PCDHGB7: variants seen among roughly 807,000 people sequenced by gnomAD.
The protein encoded by PCDHGB7 is protocadherin gamma subfamily B, 7.
In PCDHGB7, 37 loss-of-function variants were observed where a neutral mutation model predicts 61.4. The ratio of observed to expected loss-of-function variants is 0.60; its 90% CI spans 0.46 to 0.79. The LOEUF (loss-of-function observed/expected upper bound fraction) is 0.79. PCDHGB7 is among the 30% of genes least tolerant of loss of function. PCDHGB7 has a pLI of 0.00. For missense variants in PCDHGB7, 1,166 were observed against 1,202.5 expected, an observed-to-expected ratio of 0.97 and a Z score of 0.45; for synonymous variants, 464 against 503.5, an observed-to-expected ratio of 0.92 and a Z score of 1.05.
In PCDHGB7 at chr5:141,487,822, G is replaced by T. The variant is rs1406642768; in HGVS notation, c.2416-6985G>T. ...TGTCACAGTTTAGCATTGGGGGCGG[G>T]TCATGCCTATATCTGAGTAAGAAAT... On this transcript the variant is annotated intron_variant, in intron 1 of 3. Coordinates refer to ENST00000398594, the MANE Select transcript of PCDHGB7 (RefSeq NM_018927.4). This position sits in a 1 kb window ranked among gnomAD's most constrained non-coding sequence, Gnocchi z 5.0. The T allele has an allele frequency of 3.1e-6, 4 of 1,278,640 alleles. No homozygotes were observed. The East Asian group carries it at 7.6e-5, about 24-fold the overall frequency. 79.2% of individuals were successfully genotyped at this position (1,278,640 alleles called of 1,614,324 possible). A position where few individuals can be genotyped will look rare whatever the true frequency, so the allele number is the denominator to read the frequency against.
At chr5:141,428,437 C>A in intron 1 of PCDHGB7, 1 of 400,386 alleles carries the variant, frequency 2.5e-6, no homozygotes, top group South Asian at 2.4e-5. Flanking sequence ...TAAGACTAGA[C>A]CAGGGGTTTT....
chr5:141,436,240 G>A (rs192988618), intron 1 of PCDHGB7, among the ~76,000 whole-genome samples: 2 of 152,200 alleles, frequency 1.3e-5, no homozygotes, highest in East Asian at 3.9e-4. Flanking sequence ...AGCTAACATG[G>A]TCTAATTATT....
At chr5:141,447,390 G>A (rs1048677634) in intron 1 of PCDHGB7, among the ~76,000 whole-genome samples, 4 of 151,976 alleles carry the variant, frequency 2.6e-5, no homozygotes, top group Admixed American at 6.6e-5. Flanking sequence ...TGCCCACCTC[G>A]GCCTCCCAAA....
Position 141,490,885 on chromosome 5 carries a change from T to C in PCDHGB7, c.2416-3922T>C, listed in dbSNP as rs1317781676. The stretch of plus-strand genomic sequence containing the variant: ...CTCTCCCCCATTGCATGCCAACACA[T>C]CTCTGCATGTGTTTGTCCTAGACGA... On this transcript the variant is annotated intron_variant, in intron 1 of 3. Coordinates refer to ENST00000398594, the MANE Select transcript of PCDHGB7 (RefSeq NM_018927.4). This position sits in a 1 kb window ranked among gnomAD's most constrained non-coding sequence, Gnocchi z 5.4. The C allele has an allele frequency of 6.2e-7, 1 of 1,613,872 alleles. No individual in the cohort carries two copies. Among genetic ancestry groups the C allele is most frequent in the Non-Finnish European group, 8.5e-7 (1 of 1,179,904 alleles).
rs1243112302 is a variant in PCDHGB7, at chr5:141,476,738, C to G, written c.2416-18069C>G. 6.2e-7 allele frequency: 1 copy of G among 1,614,076 alleles called. No homozygotes were observed. Among genetic ancestry groups the G allele is most frequent in the Non-Finnish European group, 8.5e-7 (1 of 1,180,028 alleles). On this transcript the variant is annotated intron_variant, in intron 1 of 3. Transcript: ENST00000398594. This position sits in a 1 kb window ranked among gnomAD's most constrained non-coding sequence, Gnocchi z 7.6. ...GCGCGCCCTGGACCGAGAACGGGAG[C>G]CTAGTCTCCAGTTAGTGCTGACGGC...
Position 141,490,102 on chromosome 5 carries a change from G to A in PCDHGB7, c.2416-4705G>A, listed in dbSNP as rs377649214. On this transcript the variant is annotated intron_variant, in intron 1 of 3. Coordinates refer to ENST00000398594, the MANE Select transcript of PCDHGB7 (RefSeq NM_018927.4). The surrounding 1 kb of genome is among the most constrained non-coding windows in gnomAD (Gnocchi z 5.4). ...TTCTTTTGGAGACCACACATCTGAG[G>A]CAGTGCGGAACCTCTTTGGCCTAGA... 4.3e-6 allele frequency: 7 copies of A among 1,614,144 alleles called. No homozygotes were observed. The African/African-American group carries it at 9.3e-5, about 22-fold the overall frequency.
intron 1 of PCDHGB7, among the ~76,000 whole-genome samples, chr5:141,445,489 G>A (rs934531418): frequency 7.2e-5 from 11 of 152,188 alleles, no homozygotes; most frequent in Non-Finnish European, 1.3e-4. Context: ...GAGTTAATGG[G>A]CCCTATTCTA....
Position 141,489,793 on chromosome 5 carries a change from C to T in PCDHGB7, c.2416-5014C>T, listed in dbSNP as rs749700050. On this transcript the variant is annotated intron_variant, in intron 1 of 3. Transcript: ENST00000398594. The surrounding 1 kb of genome is among the most constrained non-coding windows in gnomAD (Gnocchi z 4.5). ...CCACTTCTCTCTGAATGTGAAGACC[C>T]TAAAAGATGGGAAGCCATTCCCAGA... The T allele has an allele frequency of 6.2e-7, 1 of 1,614,044 alleles. No homozygotes were observed. Among genetic ancestry groups the T allele is most frequent in the Non-Finnish European group, 8.5e-7 (1 of 1,180,010 alleles).
intron 1 of PCDHGB7, among the ~76,000 whole-genome samples, chr5:141,425,440 A>G (rs1438530374): frequency 2.0e-5 from 3 of 152,248 alleles, no homozygotes; most frequent in Non-Finnish European, 4.4e-5. Flanking sequence ...GAGGATAAAA[A>G]TAAAACACCA....
chr5:141,420,018 G>T lies in PCDHGB7; in HGVS notation c.2159G>T (p.Ser720Ile). Residue 720 changes from serine (S) to isoleucine (I), a missense_variant, in exon 1 of 4, where the codon AGC becomes ATC. Ser to Ile is a moderately radical substitution (Grantham distance 142). Transcript: ENST00000398594. ...GCTCTACGCCTGCGACAGTCTTTCA[G>T]CCCTACTGCAGGAGACTGCTTTGAG... ...AIALRLRQSFSPTAGDCFESV... is the reference protein window; with the variant it reads ...AIALRLRQSFIPTAGDCFESV... 2 of 1,614,066 alleles carry T rather than the reference G, an allele frequency of 1.2e-6. No individual in the cohort carries two copies. The highest frequency in any genetic ancestry group is 2.7e-5 in the African/African-American group (2 of 75,062).
At position 141,487,194 on chromosome 5, in the gene PCDHGB7, C is replaced by T. The variant is rs148502966; in HGVS notation, c.2416-7613C>T. 2 of 1,613,868 alleles carry T rather than the reference C, an allele frequency of 1.2e-6. No homozygotes were observed. The highest frequency in any genetic ancestry group is 1.3e-5 in the African/African-American group (1 of 75,030). On this transcript the variant is annotated intron_variant, in intron 1 of 3. Coordinates refer to ENST00000398594, the MANE Select transcript of PCDHGB7 (RefSeq NM_018927.4). The surrounding 1 kb of genome is among the most constrained non-coding windows in gnomAD (Gnocchi z 5.0). ...GAGGAAGACACTCATCCAGTTGTCC[C>T]AGATCTTCGAGAATCTTCAGCTCCA... is the stretch of plus-strand genomic sequence containing the variant.
chr5:141,426,772 C>T, intron 1 of PCDHGB7: 1 of 456,686 alleles, frequency 2.2e-6, no homozygotes, highest in South Asian at 1.5e-5. Context: ...GATGTAGGGC[C>T]TCACTCTCTC....
intron 1 of PCDHGB7, chr5:141,430,865 C>G: frequency 6.3e-7 from 1 of 1,595,350 alleles, no homozygotes; most frequent in Non-Finnish European, 8.5e-7. Flanking sequence ...CTATTCAGTT[C>G]CGGAAGAGCT....
intron 3 of PCDHGB7, chr5:141,506,958 A>C (rs529190059): frequency 1.6e-3 from 239 of 152,280 alleles, no homozygotes; most frequent in African/African-American, 5.5e-3. Flanking sequence ...GAATCCTCTC[A>C]ATAGCTCTGC....
Position 141,491,417 on chromosome 5 carries a change from G to A in PCDHGB7, c.2416-3390G>A, listed in dbSNP as rs200843744. 5 of 1,613,988 alleles carry A rather than the reference G, an allele frequency of 3.1e-6. No homozygotes were observed. The highest frequency in any genetic ancestry group is 1.1e-5 in the South Asian group (1 of 91,092). Reference sequence around the variant, plus strand: ...CAGGGAAACGCAGACGGGGACGGGGGTGGAGGGCAGTGCTGCAGGCGCCAG... The same window carrying A: ...CAGGGAAACGCAGACGGGGACGGGGATGGAGGGCAGTGCTGCAGGCGCCAG... On this transcript the variant is annotated intron_variant, in intron 1 of 3. Transcript: ENST00000398594. The surrounding 1 kb of genome is among the most constrained non-coding windows in gnomAD (Gnocchi z 6.9).
Position 141,477,304 on chromosome 5 carries a change from T to C in PCDHGB7, c.2416-17503T>C. The C allele has an allele frequency of 6.2e-7, 1 of 1,614,160 alleles. No individual in the cohort carries two copies. Among genetic ancestry groups the C allele is most frequent in the Non-Finnish European group, 8.5e-7 (1 of 1,180,030 alleles). ...CCTGCGAAGTTCCACCGGGTCTCCCTTTCAGCCTTACTTCTTCCCTCAAGA... is the reference window on the plus strand; with the variant it reads ...CCTGCGAAGTTCCACCGGGTCTCCCCTTCAGCCTTACTTCTTCCCTCAAGA... On this transcript the variant is annotated intron_variant, in intron 1 of 3. Transcript: ENST00000398594. This position sits in a 1 kb window ranked among gnomAD's most constrained non-coding sequence, Gnocchi z 4.9.
At chr5:141,492,189 G>A (rs2099737936) in intron 1 of PCDHGB7, among the ~76,000 whole-genome samples, 1 of 152,204 alleles carries the variant, frequency 6.6e-6, no homozygotes, top group East Asian at 1.9e-4. Flanking sequence ...GCACCTGTCT[G>A]CGGGACTTAG....
rs1425295626 is a variant in PCDHGB7 at position 141,477,940 on chromosome 5, C to T, written c.2416-16867C>T. On this transcript the variant is annotated intron_variant, in intron 1 of 3. Coordinates refer to ENST00000398594, the MANE Select transcript of PCDHGB7 (RefSeq NM_018927.4). This position sits in a 1 kb window ranked among gnomAD's most constrained non-coding sequence, Gnocchi z 4.9. ...CAGGGCACAATGCCTGGCTCTCCTA[C>T]AGTCTCTTGGGATCCCCTAACCAGA... The T allele has an allele frequency of 6.2e-7, 1 of 1,614,178 alleles. No homozygotes were observed. Among genetic ancestry groups the T allele is most frequent in the South Asian group, 1.1e-5 (1 of 91,084 alleles).
At chr5:141,422,515 AGCCCGC>A in intron 1 of PCDHGB7, 1 of 1,614,044 alleles carries the variant, frequency 6.2e-7, no homozygotes, top group Non-Finnish European at 8.5e-7. Flanking sequence ...AGACCAGGGA[AGCCCGC>A]CTTTGTCTGC....
Sources: gnomAD v4.1 joint callset for allele counts (sites outside exome capture counted in the v4.1 genomes callset) on GRCh38, gnomAD v4.1.1 for gene constraint, Gnocchi (gnomAD v3.1) non-coding constraint, MANE v1.5 for transcripts, NCBI Gene and HGNC (gene_info 2026-07-23, HGNC 2026-07-21) for gene names.